RCBTB1: variants seen among roughly 807,000 people sequenced by gnomAD.
RCBTB1 encodes the protein RCC1 and BTB domain-containing protein 1.
In RCBTB1, 46 loss-of-function variants were observed where a neutral mutation model predicts 62.4. The observed-to-expected ratio is 0.74, with a 90% CI of 0.58 to 0.94. RCBTB1 has a LOEUF of 0.94. RCBTB1 is among the 40% of genes least tolerant of loss of function. The pLI, the probability that RCBTB1 is intolerant of heterozygous loss-of-function variation, is 0.00. For synonymous variants in RCBTB1, 222 were observed against 245.8 expected, an observed-to-expected ratio of 0.90 and a Z score of 0.91; for missense variants, 565 against 654.9, an observed-to-expected ratio of 0.86 and a Z score of 1.50.
intron 4 of RCBTB1, among the ~76,000 whole-genome samples, chr13:49,563,552 C>G (rs9526577): frequency 0.85 from 128,732 of 151,992 alleles, 54,633 homozygotes; most frequent in East Asian, 0.9. Context: ...AATTGTACTT[C>G]GGAGGCTGAG....
intron 2 of RCBTB1, among the ~76,000 whole-genome samples, chr13:49,568,034 C>G (rs537508614): frequency 6.6e-6 from 1 of 152,206 alleles, no homozygotes; most frequent in Admixed American, 6.5e-5. Flanking sequence ...ATCATCCCTC[C>G]CTGACCCTCT....
At chr13:49,576,480 C>T (rs1350340910) in intron 2 of RCBTB1, among the ~76,000 whole-genome samples, 1 of 152,048 alleles carries the variant, frequency 6.6e-6, no homozygotes, top group Non-Finnish European at 1.5e-5. Context: ...TAAAATCATA[C>T]TGTTTTAATC....
At chr13:49,581,644 A>G (rs748754334) in intron 1 of RCBTB1, among the ~76,000 whole-genome samples, 2 of 152,228 alleles carry the variant, frequency 1.3e-5, no homozygotes, top group Non-Finnish European at 2.9e-5. Flanking sequence ...GAACTCTAAG[A>G]AACTCCAACG....
chr13:49,549,754 G>A, intron 8 of RCBTB1, 106 bp from the exon 9 acceptor site: 4 of 1,467,342 alleles, frequency 2.7e-6, no homozygotes, highest in Non-Finnish European at 3.6e-6. Context: ...TCAGAAAACA[G>A]TCCAAGTTCC....
intron 7 of RCBTB1, 80 bp downstream of exon 7, chr13:49,552,098 G>A (rs1357138821): frequency 5.7e-6 from 5 of 874,356 alleles, no homozygotes; most frequent in African/African-American, 1.7e-5. Context: ...ACTGACTGAA[G>A]AGTAAACCTC....
intron 1 of RCBTB1, 114 bp downstream of exon 1, chr13:49,585,330 C>CG (rs1438131943): frequency 6.6e-6 from 1 of 152,154 alleles, no homozygotes; most frequent in Non-Finnish European, 1.5e-5. Flanking sequence ...GCGAGGGAGG[C>CG]GGGAGGTACA....
Position 49,540,973 on chromosome 13 carries a change from T to A in RCBTB1, c.1358A>T (p.Asn453Ile), listed in dbSNP as rs1184351384. Residue 453 changes from asparagine (N) to isoleucine (I), a missense_variant, in exon 12 of 13, where the codon AAC becomes ATC. Physicochemically the swap from Asn to Ile is moderately radical, Grantham distance 149 (BLOSUM62 -3). Coordinates refer to ENST00000378302, the MANE Select transcript of RCBTB1 (RefSeq NM_018191.4). ...GTGCTGACAAAGTTTTTTCAGTCTGTTTTCACAGTAAGATGTCGCCAAATC... is the reference window on the plus strand; with the variant it reads ...GTGCTGACAAAGTTTTTTCAGTCTGATTTCACAGTAAGATGTCGCCAAATC... ...LLDLATSYCE[N>I]RLKKLCQHII... The A allele has an allele frequency of 1.2e-6, 2 of 1,613,278 alleles. No individual in the cohort carries two copies. The highest frequency in any genetic ancestry group is 3.3e-5 in the Admixed American group (2 of 60,016).
intron 4 of RCBTB1, among the ~76,000 whole-genome samples, chr13:49,562,415 C>T (rs1351763076): frequency 6.6e-6 from 1 of 151,302 alleles, no homozygotes; most frequent in Admixed American, 6.6e-5. Context: ...TTGCTTGAGC[C>T]CAGGAGGTTA....
At chr13:49,573,554 T>C (rs963134838) in intron 2 of RCBTB1, among the ~76,000 whole-genome samples, 3 of 150,960 alleles carry the variant, frequency 2.0e-5, no homozygotes, top group Non-Finnish European at 4.4e-5. Context: ...GTTCAAGCAA[T>C]TCTCCTGCCT....
chr13:49,547,728 T>G (rs1960930848), intron 9 of RCBTB1, among the ~76,000 whole-genome samples: 2 of 152,150 alleles, frequency 1.3e-5, no homozygotes, highest in Non-Finnish European at 2.9e-5. Context: ...TTGAAATCAG[T>G]TGAAAGACAA....
intron 8 of RCBTB1, chr13:49,550,366 G>A (rs997436668): frequency 8.6e-6 from 7 of 812,984 alleles, no homozygotes; most frequent in East Asian, 1.3e-4. Flanking sequence ...TGGGGGTCAC[G>A]GACTCTGAAC....
chr13:49,557,135 T>C (rs1961985323), intron 5 of RCBTB1, among the ~76,000 whole-genome samples: 1 of 152,186 alleles, frequency 6.6e-6, no homozygotes, highest in Admixed American at 6.5e-5. Flanking sequence ...TCCTACTTAA[T>C]AAAATCTCTG....
At chr13:49,543,849 C>A (rs1473282624) in intron 10 of RCBTB1, among the ~76,000 whole-genome samples, 1 of 152,148 alleles carries the variant, frequency 6.6e-6, no homozygotes, top group Non-Finnish European at 1.5e-5. Flanking sequence ...CCACACCTGG[C>A]TAATTTTTTC....
At chr13:49,538,980 C>A (rs894975470) in intron 12 of RCBTB1, among the ~76,000 whole-genome samples, 1 of 151,542 alleles carries the variant, frequency 6.6e-6, no homozygotes, top group East Asian at 1.9e-4. Flanking sequence ...AGCAATTCTC[C>A]TGCCTCAGCC....
intron 4 of RCBTB1, among the ~76,000 whole-genome samples, chr13:49,561,475 T>C (rs1214904616): frequency 6.6e-6 from 1 of 152,162 alleles, no homozygotes; most frequent in Non-Finnish European, 1.5e-5. Context: ...ACAAAAAGTA[T>C]GATCCATGAT....
At chr13:49,569,331 T>C (rs546888441) in intron 2 of RCBTB1, among the ~76,000 whole-genome samples, 12 of 152,212 alleles carry the variant, frequency 7.9e-5, no homozygotes, top group Admixed American at 7.2e-4. Context: ...CCTAGCACTA[T>C]GGGAGCCCAA....
intron 2 of RCBTB1, among the ~76,000 whole-genome samples, chr13:49,571,144 C>T (rs1372427152): frequency 6.6e-5 from 10 of 152,192 alleles, no homozygotes; most frequent in South Asian, 4.1e-4. Flanking sequence ...GTGGGGAGTT[C>T]GAGACCAGCC....
At chr13:49,554,903 T>C (rs1238898926) in intron 6 of RCBTB1, among the ~76,000 whole-genome samples, 1 of 152,162 alleles carries the variant, frequency 6.6e-6, no homozygotes, top group Non-Finnish European at 1.5e-5. Flanking sequence ...GGTAATATCT[T>C]TGTATAATTT....
At chr13:49,563,926 G>A (rs1468455279) in intron 4 of RCBTB1, among the ~76,000 whole-genome samples, 1 of 152,170 alleles carries the variant, frequency 6.6e-6, no homozygotes, top group Non-Finnish European at 1.5e-5. Context: ...GACAAAGAAA[G>A]GCCGGGATGC....
Sources: allele counts gnomAD v4.1 joint callset (sites outside exome capture counted in the v4.1 genomes callset), GRCh38; gene constraint gnomAD v4.1.1; transcripts MANE v1.5; gene names NCBI Gene and HGNC (gene_info 2026-07-23, HGNC 2026-07-21).